Variants in HSPG2 observed in about 807,000 individuals in gnomAD.
HSPG2 encodes heparan sulfate proteoglycan 2.
Under a neutral mutation model 526.6 loss-of-function variants are expected in HSPG2, and 278 were observed. The ratio of observed to expected loss-of-function variants is 0.53; its 90% confidence interval spans 0.48 to 0.58. HSPG2 has a LOEUF of 0.58. HSPG2 is among the 20% of genes least tolerant of loss of function. The pLI, the probability that HSPG2 is intolerant of heterozygous loss-of-function variation, is 0.00. For missense variants in HSPG2, 5,354 were observed against 6,099.5 expected (o/e 0.88, Z 4.07); for synonymous variants, 2,465 against 2,555.4 (o/e 0.96, Z 1.07).
At chr1:21,874,752 G>T in intron 26 of HSPG2, 23 bp from the exon 27 acceptor site, 1 of 1,575,404 alleles carries the variant, frequency 6.3e-7, no homozygotes, top group Non-Finnish European at 8.6e-7. Context: ...AGATGGCAGT[G>T]GGAGGGACTT....
chr1:21,858,015 G>A lies in HSPG2; in HGVS notation c.5294-630C>T, dbSNP rs1639478364. Among the ~76,000 whole-genome samples, 1 of 152,148 alleles carries A rather than the reference G, an allele frequency of 6.6e-6. No homozygotes were observed. Among genetic ancestry groups the A allele is most frequent in the African/African-American group, 2.4e-5 (1 of 41,418 alleles). ...TCATGCGATCACTTCGGTCCAGAGT[G>A]CATTCTAGGATTTCCCATTTCCGAA... On this transcript the variant is annotated intron_variant, in intron 42 of 96. Coordinates refer to ENST00000374695, the MANE Select transcript of HSPG2 (RefSeq NM_005529.7). The surrounding 1 kb of genome is among the most constrained non-coding windows in gnomAD (Gnocchi z 4.2).
intron 13 of HSPG2, among the ~76,000 whole-genome samples, chr1:21,884,181 CACACCCCCCG>C (rs1557780363): frequency 6.6e-6 from 1 of 152,106 alleles, no homozygotes; most frequent in Non-Finnish European, 1.5e-5. Flanking sequence ...GTTATTATTC[CACACCCCCCG>C]ACTTTACAGA....
chr1:21,896,192 G>A lies in HSPG2; in HGVS notation c.182C>T (p.Ala61Val). Reference sequence around the variant, plus strand: ...TGGCTCACCTCCTGAGATGCTGTCAGCCAGCATGTCCTCATCATCAGAAAG... The same window carrying A: ...TGGCTCACCTCCTGAGATGCTGTCAACCAGCATGTCCTCATCATCAGAAAG... ...SYLSDDEDML[A>V]DSISGDDLGS... Residue 61 changes from alanine (A) to valine (V), a missense_variant, in exon 2 of 97, where the codon GCT becomes GTT. By Grantham distance (64) the Ala-to-Val change is moderately conservative (BLOSUM62 0). Transcript: ENST00000374695. The A allele has an allele frequency of 6.2e-7, 1 of 1,613,858 alleles. No individual in the cohort carries two copies. The highest frequency in any genetic ancestry group is 1.1e-5 in the South Asian group (1 of 91,068).
rs763357907 is a variant in HSPG2 at position 21,848,977 on chromosome 1, A to T, written c.7501T>A (p.Tyr2501Asn). The stretch of plus-strand genomic sequence containing the variant: ...GAGCTGCCGACCACACGGCACACGT[A>T]CTCCCCTGAATCAGCTGGGGTCACC... ...LQVTPADSGEYVCRVVGSSGT... is the reference protein window; with the variant it reads ...LQVTPADSGENVCRVVGSSGT... Residue 2501 changes from tyrosine (Y) to asparagine (N), a missense_variant, in exon 58 of 97, where the codon TAC (tyrosine) becomes AAC (asparagine). Tyr to Asn is a moderately radical substitution (Grantham distance 143). Transcript: ENST00000374695. This position sits in a 1 kb window ranked among gnomAD's most constrained non-coding sequence, Gnocchi z 4.9. 4 of 1,613,686 alleles carry T rather than the reference A, an allele frequency of 2.5e-6. No individual in the cohort carries two copies. The highest frequency in any genetic ancestry group is 3.4e-6 in the Non-Finnish European group (4 of 1,179,974).
In HSPG2 at chr1:21,831,283, A is replaced by C. The variant is rs752886624; in HGVS notation, c.11494T>G (p.Phe3832Val). ...ELRIQGEEIV[F>V]HDLNLTAHGI... ...TGCGCCGTGAGGTTGAGGTCATGGAAGACGATCTCCTCGCCCTGGATGCGC... is the reference window on the plus strand; with the variant it reads ...TGCGCCGTGAGGTTGAGGTCATGGACGACGATCTCCTCGCCCTGGATGCGC... The change falls in exon 84 of 97, where the codon TTC becomes GTC. Residue 3832 changes from phenylalanine to valine, a missense_variant. Transcript: ENST00000374695. The C allele has an allele frequency of 1.9e-6, 3 of 1,614,028 alleles. No homozygotes were observed. The highest frequency in any genetic ancestry group is 3.3e-5 in the Admixed American group (2 of 60,010).
At chr1:21,843,673 G>T (rs2098058996) in intron 65 of HSPG2, among the ~76,000 whole-genome samples, 1 of 151,974 alleles carries the variant, frequency 6.6e-6, no homozygotes, top group South Asian at 2.1e-4. Flanking sequence ...TTGAGACAGT[G>T]TCTCGCTCTG....
At chr1:21,925,320 T>A (rs969919246) in intron 1 of HSPG2, among the ~76,000 whole-genome samples, 8 of 152,186 alleles carry the variant, frequency 5.3e-5, no homozygotes, top group Admixed American at 1.3e-4. Context: ...CACAGGGCTG[T>A]TGAAACAACA....
rs1395426278 is a variant in HSPG2 at position 21,853,039 on chromosome 1, C to T, written c.6471G>A (p.Glu2157=). ...CTTCCGCCACGTGTGAGGAGGAGGG[C>T]TCGATGCGGATGGGCCGGGTGCTGC... The part of the protein sequence containing the change: ...VPGSTRPIRI[E]PSSSHVAEGQ... The change falls in exon 51 of 97, where the codon GAG becomes GAA. Residue 2157 remains glutamate (E), a synonymous_variant. Transcript: ENST00000374695. The T allele has an allele frequency of 6.2e-7, 1 of 1,613,816 alleles. No individual in the cohort carries two copies. Among genetic ancestry groups the T allele is most frequent in the East Asian group, 2.2e-5 (1 of 44,890 alleles).
At chr1:21,917,857 A>C (rs1643926186) in intron 1 of HSPG2, among the ~76,000 whole-genome samples, 1 of 152,198 alleles carries the variant, frequency 6.6e-6, no homozygotes, top group Non-Finnish European at 1.5e-5. Flanking sequence ...TCAGAACACT[A>C]GAGATTCAGT....
intron 70 of HSPG2, 29 bp from the exon 71 acceptor site, chr1:21,841,314 C>T: frequency 6.2e-7 from 1 of 1,612,614 alleles, no homozygotes; most frequent in Non-Finnish European, 8.5e-7. Context: ...ACCACTGACA[C>T]ACAGGCAGGG....
At position 21,881,392 on chromosome 1, in the gene HSPG2, A is replaced by G. The variant is rs1451555105; in HGVS notation, c.1765T>C (p.Phe589Leu). 1.2e-6 allele frequency: 2 copies of G among 1,614,198 alleles called. No homozygotes were observed. Among genetic ancestry groups the G allele is most frequent in the Non-Finnish European group, 1.7e-6 (2 of 1,180,034 alleles). The change falls in exon 14 of 97, where the codon TTC becomes CTC. Residue 589 changes from phenylalanine (F) to leucine (L), a missense_variant. Physicochemically the swap from Phe to Leu is conservative, Grantham distance 22. Transcript: ENST00000374695. ...EFQLVDLSRR[F>L]LVHDSFWALP... Reference sequence around the variant, plus strand: ...GCCCAGAAGGAGTCGTGGACGAGGAAGCGGCGGGACAGGTCGACTAGCTGG... The same window carrying G: ...GCCCAGAAGGAGTCGTGGACGAGGAGGCGGCGGGACAGGTCGACTAGCTGG...
intron 1 of HSPG2, among the ~76,000 whole-genome samples, chr1:21,899,409 T>C (rs1044719818): frequency 2.6e-5 from 4 of 152,208 alleles, no homozygotes; most frequent in South Asian, 2.1e-4. Context: ...CTAACATTTA[T>C]TGAGCACTTA....
chr1:21,896,124 C>CACA, intron 2 of HSPG2, 51 bp downstream of exon 2: 1 of 1,612,544 alleles, frequency 6.2e-7, no homozygotes, highest in Admixed American at 1.7e-5. Flanking sequence ...TGGGAAGAAG[C>CACA]ACAGTCTCAC....
rs866428334 is a variant in HSPG2 at position 21,836,829 on chromosome 1, C to A, written c.10328G>T (p.Gly3443Val). The A allele has an allele frequency of 5.1e-6, 8 of 1,574,528 alleles. No individual in the cohort carries two copies. The South Asian group carries it at 9.3e-5, about 18-fold the overall frequency. The change falls in exon 75 of 97, where the codon GGT becomes GTT. Residue 3443 changes from glycine to valine, a missense_variant. Gly to Val is a moderately radical substitution (Grantham distance 109, BLOSUM62 -3). Transcript: ENST00000374695. ...GAGCACCCCATCCTGCACGCTGTGACCCGGAGGCAGCTGACCCCCTTCCTT... is the reference window on the plus strand; with the variant it reads ...GAGCACCCCATCCTGCACGCTGTGAACCGGAGGCAGCTGACCCCCTTCCTT... ...WFKEGGQLPP[G>V]HSVQDGVLRI...
intron 64 of HSPG2, among the ~76,000 whole-genome samples, chr1:21,845,266 A>C (rs1638340539): frequency 6.6e-6 from 1 of 152,170 alleles, no homozygotes; most frequent in African/African-American, 2.4e-5. Context: ...AAAACAAAAA[A>C]AACCTTAACT....
intron 1 of HSPG2, among the ~76,000 whole-genome samples, chr1:21,926,427 G>A (rs942563924): frequency 2.0e-5 from 3 of 152,058 alleles, no homozygotes; most frequent in African/African-American, 7.2e-5. Flanking sequence ...TCATAGCAAG[G>A]CAAAAGGCAG....
intron 1 of HSPG2, among the ~76,000 whole-genome samples, chr1:21,925,639 A>G (rs978983779): frequency 3.9e-5 from 6 of 152,206 alleles, no homozygotes; most frequent in African/African-American, 1.4e-4. Context: ...GAGTCTGTGA[A>G]GCAGGAACTG....
intron 76 of HSPG2, 112 bp from the exon 77 acceptor site, chr1:21,835,057 A>T: frequency 8.3e-7 from 1 of 1,204,548 alleles, no homozygotes; most frequent in South Asian, 1.2e-5. Flanking sequence ...GCATTCATTC[A>T]CTCCTCATTC....
intron 1 of HSPG2, among the ~76,000 whole-genome samples, chr1:21,924,927 A>G (rs998491572): frequency 5.3e-5 from 8 of 152,004 alleles, no homozygotes; most frequent in Non-Finnish European, 1.0e-4. Flanking sequence ...CTCATGCCCA[A>G]TCAGTCTTTT....
Sources: gnomAD v4.1 joint callset for allele counts (sites outside exome capture counted in the v4.1 genomes callset) on GRCh38, gnomAD v4.1.1 for gene constraint, Gnocchi (gnomAD v3.1) non-coding constraint, MANE v1.5 for transcripts, NCBI Gene and HGNC (gene_info 2026-07-23, HGNC 2026-07-21) for gene names.